Variants in COLEC10 observed in about 807,000 individuals in gnomAD.
COLEC10 encodes the protein collectin-10.
COLEC10 carries 22 observed loss-of-function variants against 28.4 expected under a neutral mutation model. The ratio of observed to expected loss-of-function variants is 0.78; its 90% CI spans 0.55 to 1.11. COLEC10 has a LOEUF of 1.11. Among genes scored for constraint, COLEC10 ranks in the 50% least tolerant of loss-of-function variants. The pLI is 0.00. For missense variants in COLEC10, 361 were observed against 344.1 expected (o/e 1.05, Z -0.39); for synonymous variants, 125 against 116.1 (o/e 1.08, Z -0.49).
chr8:118,963,234 C>T, the COLEC10 span, among the ~76,000 whole-genome samples: 12 of 152,178 alleles, frequency 7.9e-5, no homozygotes, highest in Admixed American at 3.3e-4. Flanking sequence ...TTTAGTATTT[C>T]GCATACATTA....
chr8:119,011,234 G>T (rs1258443269), intron 2 of COLEC10, among the ~76,000 whole-genome samples: 4 of 150,902 alleles, frequency 2.7e-5, no homozygotes, highest in South Asian at 2.1e-4. Context: ...TTGTTGAAAA[G>T]AATATTTTCT....
chr8:119,080,531 T>C (rs1186580982), intron 1 of COLEC10, among the ~76,000 whole-genome samples: 1 of 152,174 alleles, frequency 6.6e-6, no homozygotes, highest in Non-Finnish European at 1.5e-5. Context: ...ACTCCATCAA[T>C]AAATTCAGAG....
chr8:119,023,241 A>G (rs1266113331), intron 2 of COLEC10, among the ~76,000 whole-genome samples: 1 of 152,080 alleles, frequency 6.6e-6, no homozygotes, highest in East Asian at 1.9e-4. Context: ...CTTATTTATT[A>G]TATTTACTAT....
chr8:119,033,635 A>G (rs1214245225), intron 2 of COLEC10, among the ~76,000 whole-genome samples: 3 of 152,276 alleles, frequency 2.0e-5, no homozygotes, highest in Non-Finnish European at 4.4e-5. Flanking sequence ...CAAACATGAA[A>G]AAAACCTCAT....
rs1296837824 is a variant in COLEC10, at chr8:119,067,336, T to C, written c.55T>C (p.Phe19Leu). The change falls in exon 1 of 6, where the codon TTT (phenylalanine) becomes CTT (leucine). Residue 19 changes from phenylalanine (F) to leucine (L), a missense_variant. Physicochemically the swap from Phe to Leu is conservative, Grantham distance 22 (BLOSUM62 0). Around this residue, in one of 3 missense-constraint regions of COLEC10, gnomAD observed 335 missense variants for 308.5 expected, o/e 1.09. Transcript: ENST00000332843. Reference protein sequence around the residue: ...RRNQFILLVLFLLQIQSLGLD... With the variant: ...RRNQFILLVLLLLQIQSLGLD... ...AAACCAATTTATCCTCCTGGTACTA[T>C]TTCTTTTGCAAATTCAGAGTCTGGG... The C allele has an allele frequency of 1.9e-6, 3 of 1,613,990 alleles. No individual in the cohort carries two copies. Among genetic ancestry groups the C allele is most frequent in the Non-Finnish European group, 2.5e-6 (3 of 1,179,962 alleles).
chr8:119,025,921 AT>A (rs1426626167), intron 2 of COLEC10, among the ~76,000 whole-genome samples: 17 of 152,274 alleles, frequency 1.1e-4, no homozygotes, highest in Non-Finnish European at 2.4e-4. Context: ...TGCCTGCATC[AT>A]GTCACATCAA....
chr8:119,008,560 G>T (rs1335060748), intron 1 of COLEC10, among the ~76,000 whole-genome samples: 1 of 150,312 alleles, frequency 6.7e-6, no homozygotes, highest in African/African-American at 2.5e-5. Flanking sequence ...TCTCTTCAGG[G>T]AGATGCTCCT....
chr8:119,085,516 G>A (rs1815456938), intron 1 of COLEC10, among the ~76,000 whole-genome samples: 2 of 150,854 alleles, frequency 1.3e-5, no homozygotes, highest in African/African-American at 4.9e-5. Flanking sequence ...TTAGGCAGGA[G>A]TTCTTGCCTT....
At chr8:119,015,731 T>C (rs548318830) in intron 2 of COLEC10, among the ~76,000 whole-genome samples, 1 of 152,312 alleles carries the variant, frequency 6.6e-6, no homozygotes, top group Admixed American at 6.5e-5. Flanking sequence ...TGTCTGTCTC[T>C]CCAATTTCAG....
chr8:119,102,556 T>A (rs1815858559), intron 4 of COLEC10, 155 bp downstream of exon 4: 1 of 606,930 alleles, frequency 1.6e-6, no homozygotes, highest in Non-Finnish European at 2.8e-6. Flanking sequence ...GGGACTTTCC[T>A]GTCTCCCTGC....
intron 1 of COLEC10, 94 bp downstream of exon 1, chr8:119,067,523 T>C: frequency 8.5e-7 from 1 of 1,177,168 alleles, no homozygotes; most frequent in Non-Finnish European, 1.2e-6. Context: ...CTTTCTCTTC[T>C]CTCCTCCCTA....
upstream of COLEC10, among the ~76,000 whole-genome samples, chr8:118,995,070 A>G (rs1813567108): frequency 6.6e-6 from 1 of 152,204 alleles, no homozygotes; most frequent in South Asian, 2.1e-4. Context: ...TAATTAGGTC[A>G]CTTGAAAACC....
intron 1 of COLEC10, among the ~76,000 whole-genome samples, chr8:118,997,456 C>A (rs550399491): frequency 1.3e-5 from 2 of 152,240 alleles, no homozygotes; most frequent in African/African-American, 4.8e-5. Flanking sequence ...ACTTTTACAT[C>A]TTTAATTCAT....
intron 2 of COLEC10, among the ~76,000 whole-genome samples, chr8:119,040,887 G>T (rs1316486053): frequency 6.6e-6 from 1 of 152,128 alleles, no homozygotes; most frequent in African/African-American, 2.4e-5. Context: ...ATCTCCATCT[G>T]GTGCTGTTCT....
intron 2 of COLEC10, among the ~76,000 whole-genome samples, chr8:119,038,841 G>GC (rs1252113338): frequency 2.0e-5 from 3 of 151,992 alleles, no homozygotes; most frequent in Non-Finnish European, 4.4e-5. Context: ...TAGTCTTACA[G>GC]CCCCCTCTAA....
chr8:119,068,566 T>TG (rs1236120142), intron 1 of COLEC10: 1 of 152,160 alleles, frequency 6.6e-6, no homozygotes. Flanking sequence ...TGGGGTGTCA[T>TG]GGGGGCATTG....
At chr8:119,004,903 C>T (rs7013338) in intron 1 of COLEC10, among the ~76,000 whole-genome samples, 2,544 of 149,286 alleles carry the variant, frequency 0.017, 28 homozygotes, top group Middle Eastern at 0.031. Flanking sequence ...TCATCTTTCA[C>T]CTCTTTGCTA....
intron 2 of COLEC10, among the ~76,000 whole-genome samples, chr8:119,039,555 G>A (rs768783392): frequency 2.0e-5 from 3 of 152,194 alleles, no homozygotes; most frequent in Admixed American, 6.5e-5. Flanking sequence ...GACATTTGGT[G>A]TGGAATGGTA....
intron 2 of COLEC10, among the ~76,000 whole-genome samples, chr8:119,034,483 C>G (rs569560704): frequency 3.4e-4 from 51 of 150,300 alleles, no homozygotes; most frequent in African/African-American, 1.2e-3. Context: ...GAGGCCAAGG[C>G]GGGTGGATCA....
Sources: gnomAD v4.1 joint callset for allele counts (sites outside exome capture counted in the v4.1 genomes callset) on GRCh38, gnomAD v4.1.1 for gene constraint, gnomAD v4.1.1 regional missense constraint, MANE v1.5 for transcripts, NCBI Gene and HGNC (gene_info 2026-07-23, HGNC 2026-07-21) for gene names.